PLTP: variants seen among roughly 807,000 people sequenced by gnomAD.
The protein encoded by PLTP is phospholipid transfer protein.
PLTP carries 43 observed loss-of-function variants against 54.1 expected under a neutral mutation model. The observed-to-expected ratio is 0.79, with a 90% CI of 0.62 to 1.02. The LOEUF is 1.02. Ranked by LOEUF, PLTP falls within the 50% of genes least tolerant of loss-of-function variation. The pLI is 0.00. For missense variants in PLTP, 604 were observed against 645.9 expected (o/e 0.94, Z 0.70); for synonymous variants, 263 against 264.6 (o/e 0.99, Z 0.06).
In PLTP at chr20:45,905,099, G is replaced by T. The variant is rs1353540801; in HGVS notation, c.725C>A (p.Thr242Asn). Residue 242 changes from threonine (T) to asparagine (N), a missense_variant, in exon 9 of 16, where the codon ACT becomes AAT. Coordinates refer to ENST00000372431, the MANE Select transcript of PLTP (RefSeq NM_006227.4). Reference protein sequence around the residue: ...MDFRGAFFPLTERNWSLPNRA... With the variant: ...MDFRGAFFPLNERNWSLPNRA... ...GTTGGGGAGGCTCCAGTTCCTCTCA[G>T]TCAGGGGGAAGAAGGCCCCCTGGGG... The T allele has an allele frequency of 8.1e-6, 13 of 1,614,042 alleles. No individual in the cohort carries two copies. The highest frequency in any genetic ancestry group is 1.0e-5 in the Non-Finnish European group (12 of 1,180,042).
In PLTP at chr20:45,904,806, GA is replaced by G; in HGVS notation, c.935del (p.Val312AlafsTer3). 6.2e-7 allele frequency: 1 copy of G among 1,614,206 alleles called. No individual in the cohort carries two copies. The highest frequency in any genetic ancestry group is 1.1e-5 in the South Asian group (1 of 91,080). On this transcript the variant is annotated frameshift_variant, in exon 10 of 16. Coordinates refer to ENST00000372431, the MANE Select transcript of PLTP (RefSeq NM_006227.4). LOFTEE classifies it high-confidence loss of function. Reference sequence around the variant, plus strand: ...TGCCCCCGCCAGCACTCACCAGCAGGACAATGCTCCCAAAGTAGGTGGCCCT... The same window carrying G: ...TGCCCCCGCCAGCACTCACCAGCAGGCAATGCTCCCAAAGTAGGTGGCCCT... ...LLRATYFGSI[V>X]LLSPAVIDSP...
chr20:45,909,417 C>T (rs1428969690), intron 5 of PLTP, 99 bp downstream of exon 5: 2 of 1,323,046 alleles, frequency 1.5e-6, no homozygotes, highest in African/African-American at 2.9e-5. Flanking sequence ...GCTTTGGACC[C>T]AGTTGGTCTG....
chr20:45,906,661 G>A (rs920070990), intron 7 of PLTP, among the ~76,000 whole-genome samples: 2 of 152,002 alleles, frequency 1.3e-5, no homozygotes, highest in African/African-American at 4.8e-5. Context: ...AGGTCAAGGC[G>A]GGCGGATCAC....
chr20:45,911,530 A>T, intron 1 of PLTP, 67 bp from the exon 2 acceptor site: 1 of 1,590,404 alleles, frequency 6.3e-7, no homozygotes, highest in East Asian at 2.2e-5. Context: ...ACGTCCAACC[A>T]TAAGTGGGAA....
At position 45,899,074 on chromosome 20, in the gene PLTP, G is replaced by A. The variant is rs1457553367; in HGVS notation, c.1360-11C>T. On this transcript the variant is annotated splice_polypyrimidine_tract_variant and intron_variant, in intron 15 of 15. Transcript: ENST00000372431. ...GATGGTGAGGAATCCCTGTGTTGGG[G>A]AGAGGGGAGCCTCATTTATTCATTC... The A allele has an allele frequency of 1.9e-6, 3 of 1,614,074 alleles. No individual in the cohort carries two copies. The South Asian group carries it at 3.3e-5, about 18-fold the overall frequency.
Position 45,906,298 on chromosome 20 carries a change from A to G in PLTP, c.675T>C (p.Ala225=). ...AGTCCATGTCCAGGTTGCTGGTGGA[A>G]GCCACAGGATCCTTCATGAGGGAAT... The part of the protein sequence containing the change: ...IDYSLMKDPV[A]STSNLDMDFR... The change falls in exon 8 of 16, where the codon GCT becomes GCC. Residue 225 remains alanine (A), a synonymous_variant. Coordinates refer to ENST00000372431, the MANE Select transcript of PLTP (RefSeq NM_006227.4). The G allele has an allele frequency of 6.2e-7, 1 of 1,614,126 alleles. No individual in the cohort carries two copies. Among genetic ancestry groups the G allele is most frequent in the Non-Finnish European group, 8.5e-7 (1 of 1,179,980 alleles).
In PLTP at chr20:45,901,899, C is replaced by CA. The variant is rs5841613; in HGVS notation, c.1175+367dup. Among the ~76,000 whole-genome samples the CA allele has an allele frequency of 2.0e-3, 256 of 127,946 alleles. 1 individual carries two copies. Among genetic ancestry groups the CA allele is most frequent in the African/African-American group, 4.4e-3 (150 of 34,136 alleles). 83.9% of individuals were successfully genotyped at this position (127,946 alleles called of 152,430 possible). On this transcript the variant is annotated intron_variant, in intron 12 of 15. Coordinates refer to ENST00000372431, the MANE Select transcript of PLTP (RefSeq NM_006227.4). ...GGGCAACAAGAGCGAAACTCCTTCT[C>CA]AAAAAAAAAAAAAAAAGAATAATAA... is the stretch of plus-strand genomic sequence containing the variant.
intron 3 of PLTP, chr20:45,910,764 C>G (rs2083282337): frequency 1.0e-6 from 1 of 999,102 alleles, no homozygotes. Flanking sequence ...TTCCCCCTCC[C>G]TCATCCTAAA....
At chr20:45,906,448 G>A in intron 7 of PLTP, 89 bp from the exon 8 acceptor site, 1 of 937,934 alleles carries the variant, frequency 1.1e-6, no homozygotes, top group African/African-American at 1.6e-5. Flanking sequence ...CCCATAAAAT[G>A]AGGATACATC....
chr20:45,899,203 G>T, intron 15 of PLTP, 140 bp from the exon 16 acceptor site: 1 of 1,298,606 alleles, frequency 7.7e-7, no homozygotes, highest in East Asian at 2.3e-5. Flanking sequence ...TGAGGCTGTA[G>T]GAGTGTAGAC....
rs1400273635 is a variant in PLTP at position 45,911,468 on chromosome 20, G to C, written c.-11-5C>G. On this transcript the variant is annotated splice_region_variant and splice_polypyrimidine_tract_variant and intron_variant, in intron 1 of 15. Transcript: ENST00000372431. ...AGAGGGCCATGGCGAGCGGGCCTGG[G>C]GGTGGGGTGGGGTCGCAGGAGTTAT... 2 of 1,601,056 alleles carry C rather than the reference G, an allele frequency of 1.2e-6. No individual in the cohort carries two copies. Among genetic ancestry groups the C allele is most frequent in the Non-Finnish European group, 1.7e-6 (2 of 1,179,734 alleles).
In PLTP at chr20:45,907,055, A is replaced by G. The variant is rs1290810526; in HGVS notation, c.613+637T>C. Among the ~76,000 whole-genome samples the G allele has an allele frequency of 5.5e-5, 7 of 127,036 alleles. 2 individuals are homozygous for G. The Admixed American group carries it at 6.0e-4, about 11-fold the overall frequency. 83.3% of individuals were successfully genotyped at this position (127,036 alleles called of 152,430 possible). The stretch of plus-strand genomic sequence containing the variant: ...AGAAAAAGGGAATTCATGGCCAGGC[A>G]CAGTGGCTCATGCCTATAATCCCAG... On this transcript the variant is annotated intron_variant, in intron 7 of 15. Coordinates refer to ENST00000372431, the MANE Select transcript of PLTP (RefSeq NM_006227.4).
At chr20:45,902,974 G>A (rs2083201392) in intron 10 of PLTP, among the ~76,000 whole-genome samples, 1 of 152,044 alleles carries the variant, frequency 6.6e-6, no homozygotes, top group Non-Finnish European at 1.5e-5. Context: ...CACAATCTCG[G>A]CTCACTGCAA....
chr20:45,902,369 C>T (rs1359175487), intron 11 of PLTP, 35 bp from the exon 12 acceptor site: 1 of 1,612,740 alleles, frequency 6.2e-7, no homozygotes, highest in Non-Finnish European at 8.5e-7. Context: ...GTTACTGACC[C>T]AGAAGGTCAG....
rs372644904 is a variant in PLTP, at chr20:45,906,351, A to T, written c.622T>A (p.Ser208Thr). 72 of 1,613,472 alleles carry T rather than the reference A, an allele frequency of 4.5e-5. No individual in the cohort carries two copies. Among genetic ancestry groups the T allele is most frequent in the Middle Eastern group, 1.7e-4 (1 of 6,060 alleles). Reference sequence around the variant, plus strand: ...TCAATGCCAACAAGCTCGTCCACAGAACTGCGCACTGCAGGAAGGGGCTCA... The same window carrying T: ...TCAATGCCAACAAGCTCGTCCACAGTACTGCGCACTGCAGGAAGGGGCTCA... ...SLLDTVPVRSSVDELVGIDYS... is the reference protein window; with the variant it reads ...SLLDTVPVRSTVDELVGIDYS... The change falls in exon 8 of 16, where the codon TCT becomes ACT. Residue 208 changes from serine to threonine, a missense_variant. Coordinates refer to ENST00000372431, the MANE Select transcript of PLTP (RefSeq NM_006227.4).
chr20:45,907,440 C>T (rs190062197), intron 7 of PLTP, among the ~76,000 whole-genome samples: 1 of 152,256 alleles, frequency 6.6e-6, no homozygotes, highest in African/African-American at 2.4e-5. Context: ...TCAGCATGCA[C>T]ATATTGAGGA....
chr20:45,905,126 G>A lies in PLTP; in HGVS notation c.706-8C>T, dbSNP rs1365452148. 2 of 1,613,374 alleles carry A rather than the reference G, an allele frequency of 1.2e-6. No individual in the cohort carries two copies. The highest frequency in any genetic ancestry group is 3.3e-5 in the Admixed American group (2 of 60,026). On this transcript the variant is annotated splice_polypyrimidine_tract_variant and splice_region_variant and intron_variant, in intron 8 of 15. Transcript: ENST00000372431. ...CAGGGGGAAGAAGGCCCCCTGGGGT[G>A]GGGCATTCACAGTCAGGGTCAAGGC... is the stretch of plus-strand genomic sequence containing the variant.
intron 7 of PLTP, 28 bp from the exon 8 acceptor site, chr20:45,906,387 G>A (rs764975021): frequency 4.2e-5 from 66 of 1,572,902 alleles, no homozygotes; most frequent in Non-Finnish European, 4.4e-5. Context: ...AGTCACTCAC[G>A]GCTGTGTGAT....
At chr20:45,911,065 CAGTCTCCCG>C (rs2145842768) in intron 3 of PLTP, 78 bp downstream of exon 3, 2 of 1,611,170 alleles carry the variant, frequency 1.2e-6, no homozygotes, top group South Asian at 2.2e-5. Context: ...ACTCAGCCTC[CAGTCTCCCG>C]AGACCCTGAG....
Sources: allele counts gnomAD v4.1 joint callset (sites outside exome capture counted in the v4.1 genomes callset), GRCh38; gene constraint gnomAD v4.1.1; transcripts MANE v1.5; gene names NCBI Gene and HGNC (gene_info 2026-07-23, HGNC 2026-07-21).